The following SOX6 variants were observed in gnomAD, a reference collection of about 807,000 sequenced individuals.
The protein encoded by SOX6 is SRY-box transcription factor 6, also known as transcription factor SOX-6.
In SOX6, 11 loss-of-function variants were observed where a neutral mutation model predicts 97.8. The ratio of observed to expected loss-of-function variants is 0.11; its 90% CI spans 0.07 to 0.19. SOX6 has a LOEUF of 0.19. SOX6 is among the 10% of genes least tolerant of loss of function. The pLI is 1.00. For missense variants in SOX6, 810 were observed against 1,039.5 expected (o/e 0.78, Z 3.04); for synonymous variants, 360 against 371.4 (o/e 0.97, Z 0.35).
intron 6 of SOX6, among the ~76,000 whole-genome samples, chr11:16,148,732 G>A (rs961128901): frequency 6.6e-6 from 1 of 151,782 alleles, no homozygotes; most frequent in African/African-American, 2.4e-5. Flanking sequence ...TTTTTTCCAG[G>A]CATTCCCTCG....
At chr11:16,551,865 A>G (rs1409329605) in intron 4 of SOX6, among the ~76,000 whole-genome samples, 1 of 152,088 alleles carries the variant, frequency 6.6e-6, no homozygotes, top group Non-Finnish European at 1.5e-5. Flanking sequence ...TCAGCCTCCC[A>G]AAGTGCTGGG....
chr11:16,537,526 C>T (rs1236577740), intron 4 of SOX6, among the ~76,000 whole-genome samples: 1 of 152,080 alleles, frequency 6.6e-6, no homozygotes, highest in Non-Finnish European at 1.5e-5. Context: ...ACAAACTTCT[C>T]TGAGCTAAAG....
At position 16,181,652 on chromosome 11, in the gene SOX6, G is replaced by GTT. The variant is rs564076532; in HGVS notation, c.777+2232_777+2233dup. 1.4e-3 allele frequency among the ~76,000 whole-genome samples: 212 copies of GTT among 151,508 alleles called. 3 individuals carry two copies. Among genetic ancestry groups the GTT allele is most frequent in the Admixed American group, 0.011 (166 of 15,194 alleles). On this transcript the variant is annotated intron_variant, in intron 6 of 15. Transcript: ENST00000683767. The stretch of plus-strand genomic sequence containing the variant: ...TTGTGATTTTGTGTAAGGAGTACGT[G>GTT]TTTTTCAGCATTTGAAAAATTTTTT...
At chr11:16,039,178 A>G (rs1855592859) in intron 12 of SOX6, among the ~76,000 whole-genome samples, 1 of 151,896 alleles carries the variant, frequency 6.6e-6, no homozygotes, top group Non-Finnish European at 1.5e-5. Flanking sequence ...ATTTCCCACA[A>G]TCTCCTCTCT....
chr11:16,145,536 A>C (rs1342837774), intron 6 of SOX6, among the ~76,000 whole-genome samples: 1 of 152,214 alleles, frequency 6.6e-6, no homozygotes, highest in Non-Finnish European at 1.5e-5. Flanking sequence ...AAGGGTATTC[A>C]ATTAGGAAAA....
At chr11:16,706,130 G>A (rs958104815) in intron 3 of SOX6, among the ~76,000 whole-genome samples, 3 of 151,700 alleles carry the variant, frequency 2.0e-5, no homozygotes, top group African/African-American at 7.3e-5. Context: ...TATTGTGTCC[G>A]TTTATGCTAT....
intron 6 of SOX6, among the ~76,000 whole-genome samples, chr11:16,180,200 A>G (rs1851310667): frequency 6.6e-6 from 1 of 151,880 alleles, no homozygotes; most frequent in African/African-American, 2.4e-5. Flanking sequence ...ATTGATTAAA[A>G]TACTGTAAAC....
rs114315249 is a variant in SOX6, at chr11:16,506,807, T to C, written n.610-30419A>G. Among the ~76,000 whole-genome samples, 1,249 of 152,268 alleles carry C rather than the reference T, an allele frequency of 8.2e-3. 17 individuals are homozygous for C. The highest frequency in any genetic ancestry group is 0.029 in the African/African-American group (1,192 of 41,554). The stretch of plus-strand genomic sequence containing the variant: ...AGCCAGGCATGGTAGCTCACACCCA[T>C]AATCCCAGAACTTTGGGAGGCCAAG... On this transcript the variant is annotated intron_variant and non_coding_transcript_variant, in intron 4 of 5. Coordinates refer to the SOX6 transcript ENST00000524520.
At chr11:16,132,349 AGAAAGAAAGAAAGAAAG>A (rs1849786184) in intron 6 of SOX6, among the ~76,000 whole-genome samples, 1 of 57,960 alleles carries the variant, frequency 1.7e-5, no homozygotes, top group Non-Finnish European at 3.1e-5. Context: ...AAAGAAAGAA[AGAAAGAAAGAAAGAAAG>A]AAAGAAAGAA....
In SOX6 at chr11:16,383,714, C is replaced by T. The variant is rs146497983; in HGVS notation, c.-4-42462G>A. Among the ~76,000 whole-genome samples the T allele has an allele frequency of 7.4e-3, 1,126 of 152,008 alleles. 5 individuals carry two copies. Among genetic ancestry groups the T allele is most frequent in the Middle Eastern group, 0.024 (7 of 294 alleles). On this transcript the variant is annotated intron_variant, in intron 1 of 15. Coordinates refer to the SOX6 transcript ENST00000396356. ...TTAAATGGCATCACATGTAAAAGCA[C>T]CTACATTAGTGCTGTACAACAAAAG...
At chr11:16,545,988 A>G (rs1847616582) in intron 4 of SOX6, among the ~76,000 whole-genome samples, 1 of 152,118 alleles carries the variant, frequency 6.6e-6, no homozygotes, top group Admixed American at 6.6e-5. Flanking sequence ...CCTCTAATAA[A>G]GAAGTTCAAT....
chr11:16,285,566 G>T (rs6650169), intron 3 of SOX6, among the ~76,000 whole-genome samples: 1 of 151,982 alleles, frequency 6.6e-6, no homozygotes, highest in Admixed American at 6.6e-5. Flanking sequence ...TATATTTTTA[G>T]AAGGAATTTA....
chr11:16,325,305 A>G (rs1052205681), intron 2 of SOX6, among the ~76,000 whole-genome samples: 1 of 152,160 alleles, frequency 6.6e-6, no homozygotes, highest in Admixed American at 6.6e-5. Context: ...ATATGTGTGC[A>G]TAAGTGTAAA....
At chr11:16,480,648 C>CG (rs1491580424), upstream of SOX6, among the ~76,000 whole-genome samples, 4 of 139,526 alleles carry the variant, frequency 2.9e-5, no homozygotes, top group Non-Finnish European at 6.3e-5. Context: ...TTTAGTAACC[C>CG]CCCCCCCACC....
At chr11:16,552,105 A>T (rs1173792704) in intron 4 of SOX6, among the ~76,000 whole-genome samples, 2 of 60,160 alleles carry the variant, frequency 3.3e-5, no homozygotes. Flanking sequence ...GTATACAGAC[A>T]ACCACTATAG....
At chr11:16,575,349 T>C (rs778574000) in intron 4 of SOX6, among the ~76,000 whole-genome samples, 1 of 152,180 alleles carries the variant, frequency 6.6e-6, no homozygotes, top group Non-Finnish European at 1.5e-5. Flanking sequence ...CTAGAAAAGA[T>C]GAAGATAGGC....
chr11:16,018,684 G>C (rs1407412905), intron 12 of SOX6, among the ~76,000 whole-genome samples: 1 of 152,056 alleles, frequency 6.6e-6, no homozygotes, highest in East Asian at 1.9e-4. Context: ...TTAAATTTAT[G>C]TGTGTTATTT....
intron 2 of SOX6, among the ~76,000 whole-genome samples, chr11:16,340,665 A>G (rs1856601624): frequency 6.6e-6 from 1 of 152,102 alleles, no homozygotes; most frequent in African/African-American, 2.4e-5. Context: ...TTTCAATATT[A>G]ATACATAAGC....
At chr11:16,196,971 C>T in intron 4 of SOX6, among the ~76,000 whole-genome samples, 1 of 151,290 alleles carries the variant, frequency 6.6e-6, no homozygotes, top group East Asian at 2.0e-4. Context: ...GTAGCTGGAA[C>T]TACAGGTGCC....
Sources: gnomAD v4.1 joint callset for allele counts (sites outside exome capture counted in the v4.1 genomes callset) on GRCh38, gnomAD v4.1.1 for gene constraint, MANE v1.5 for transcripts, NCBI Gene and HGNC (gene_info 2026-07-23, HGNC 2026-07-21) for gene names.